The following XXYLT1 variants were observed in gnomAD, a reference collection of about 807,000 sequenced individuals.
The protein encoded by XXYLT1 is xyloside xylosyltransferase 1, also known as UDP-xylose:alpha-xyloside alpha-1,3-xylosyltransferase.
XXYLT1 carries 20 observed loss-of-function variants against 28.9 expected under a neutral mutation model. The observed-to-expected ratio is 0.69, with a 90% CI of 0.49 to 1.00. The LOEUF is 1.00. Among genes scored for constraint, XXYLT1 ranks in the 50% least tolerant of loss-of-function variants. XXYLT1 has a pLI of 0.00. For synonymous variants in XXYLT1, 257 were observed against 253.8 expected (o/e 1.01, Z -0.12); for missense variants, 542 against 560.1 (o/e 0.97, Z 0.33).
chr3:195,191,291 T>C (rs1192605532), intron 2 of XXYLT1, among the ~76,000 whole-genome samples: 1 of 152,164 alleles, frequency 6.6e-6, no homozygotes. Context: ...CAATCCCTCC[T>C]TTTCTCTTTC....
intron 1 of XXYLT1, among the ~76,000 whole-genome samples, chr3:195,258,197 AGTGAGGCAACAGCCACAGAGG>A (rs1387363831): frequency 1.3e-5 from 2 of 152,184 alleles, no homozygotes; most frequent in African/African-American, 4.8e-5. Context: ...CACAGCCTTC[AGTGAGGCAACAGCCACAGAGG>A]GTGAGGCTAG....
chr3:195,254,350 C>T (rs1577202098), intron 1 of XXYLT1, among the ~76,000 whole-genome samples: 2 of 152,358 alleles, frequency 1.3e-5, no homozygotes, highest in Middle Eastern at 3.4e-3. Flanking sequence ...TTTCAAAGTA[C>T]CATCTGCTCC....
intron 2 of XXYLT1, among the ~76,000 whole-genome samples, chr3:195,226,092 C>T (rs967290602): frequency 6.6e-6 from 1 of 152,154 alleles, no homozygotes; most frequent in Non-Finnish European, 1.5e-5. Flanking sequence ...AAACCAGACA[C>T]ACTCTAGGAG....
intron 1 of XXYLT1, among the ~76,000 whole-genome samples, chr3:195,237,102 T>A (rs1259506400): frequency 6.6e-6 from 1 of 152,178 alleles, no homozygotes; most frequent in African/African-American, 2.4e-5. Context: ...GGCTGGTGTC[T>A]CATTAGGTCA....
At chr3:195,189,110 T>C (rs1722319670) in intron 2 of XXYLT1, among the ~76,000 whole-genome samples, 1 of 152,136 alleles carries the variant, frequency 6.6e-6, no homozygotes, top group South Asian at 2.1e-4. Flanking sequence ...AAGAGCTTTA[T>C]GAGGTGGATA....
chr3:195,152,164 A>T (rs1720307502), intron 3 of XXYLT1: 1 of 152,602 alleles, frequency 6.6e-6, no homozygotes, highest in South Asian at 2.1e-4. Context: ...GCTGCACATA[A>T]AGAGGGCACA....
At chr3:195,197,320 C>T (rs1290466914) in intron 2 of XXYLT1, among the ~76,000 whole-genome samples, 1 of 151,994 alleles carries the variant, frequency 6.6e-6, no homozygotes, top group African/African-American at 2.4e-5. Flanking sequence ...GCCTGTAGTC[C>T]CAGCTACTCG....
intron 2 of XXYLT1, among the ~76,000 whole-genome samples, chr3:195,197,975 G>A (rs532922999): frequency 1.3e-5 from 2 of 152,238 alleles, no homozygotes; most frequent in Non-Finnish European, 2.9e-5. Context: ...GCTGAGTTCA[G>A]CTGCGCCTGG....
chr3:195,070,220 G>T, intron 3 of XXYLT1, 109 bp from the exon 4 acceptor site: 1 of 1,396,454 alleles, frequency 7.2e-7, no homozygotes. Flanking sequence ...CCACATTCCG[G>T]GGTGCAGAAT....
At position 195,129,241 on chromosome 3, in the gene XXYLT1, C is replaced by T. The variant is rs143216379; in HGVS notation, c.785+27208G>A. On this transcript the variant is annotated intron_variant, in intron 3 of 3. Coordinates refer to ENST00000310380, the MANE Select transcript of XXYLT1 (RefSeq NM_152531.5). This position sits in a 1 kb window ranked among gnomAD's most constrained non-coding sequence, Gnocchi z 4.4. ...CTCTCTCTCTCTCTTTTTTTGGTAA[C>T]AGCTTTCTTGACACATAATTTAAAT... 6.6e-6 allele frequency among the ~76,000 whole-genome samples: 1 copy of T among 152,260 alleles called. No homozygotes were observed. The highest frequency in any genetic ancestry group is 2.4e-5 in the African/African-American group (1 of 41,540).
intron 1 of XXYLT1, among the ~76,000 whole-genome samples, chr3:195,238,834 CTG>C (rs1293221004): frequency 6.6e-6 from 1 of 152,196 alleles, no homozygotes; most frequent in African/African-American, 2.4e-5. Context: ...AAGCTGGAAG[CTG>C]ACAAGAGGGT....
At chr3:195,254,738 G>A (rs116031702) in intron 1 of XXYLT1, among the ~76,000 whole-genome samples, 475 of 152,354 alleles carry the variant, frequency 3.1e-3, no homozygotes, top group African/African-American at 0.01. Context: ...GGGCCTTCAC[G>A]GGGCCAGGGC....
intron 3 of XXYLT1, among the ~76,000 whole-genome samples, chr3:195,090,915 T>C (rs1175466871): frequency 1.3e-5 from 2 of 151,654 alleles, no homozygotes; most frequent in Non-Finnish European, 2.9e-5. Context: ...ACAAATAAAC[T>C]AGAAAACCTA....
chr3:195,112,970 A>G (rs567166342), intron 3 of XXYLT1, among the ~76,000 whole-genome samples: 3 of 152,372 alleles, frequency 2.0e-5, no homozygotes, highest in Admixed American at 1.3e-4. Context: ...TCAAAATCCA[A>G]TCTGGGTTTC....
chr3:195,127,187 A>C (rs1243503899), intron 3 of XXYLT1, among the ~76,000 whole-genome samples: 1 of 152,190 alleles, frequency 6.6e-6, no homozygotes, highest in East Asian at 1.9e-4. Flanking sequence ...GAGTGTTCAG[A>C]GATCAGTGCT....
At position 195,133,736 on chromosome 3, in the gene XXYLT1, T is replaced by C. The variant is rs1719022958; in HGVS notation, c.785+22713A>G. On this transcript the variant is annotated intron_variant, in intron 3 of 3. Transcript: ENST00000310380. This position sits in a 1 kb window ranked among gnomAD's most constrained non-coding sequence, Gnocchi z 4.4. ...AACGACAGAACACACGAACAGAGGA[T>C]GGTGCCAGAAGATCATGATGGAGCT... is the stretch of plus-strand genomic sequence containing the variant. 6.6e-6 allele frequency among the ~76,000 whole-genome samples: 1 copy of C among 152,150 alleles called. No individual in the cohort carries two copies. The highest frequency in any genetic ancestry group is 1.5e-5 in the Non-Finnish European group (1 of 68,030).
At chr3:195,246,946 A>G (rs1328503030) in intron 1 of XXYLT1, among the ~76,000 whole-genome samples, 1 of 152,252 alleles carries the variant, frequency 6.6e-6, no homozygotes, top group Non-Finnish European at 1.5e-5. Context: ...ACAGAGAAAC[A>G]TTACAAATGC....
rs79483554 is a variant in XXYLT1 at position 195,210,351 on chromosome 3, T to A, written c.652+16358A>T. On this transcript the variant is annotated intron_variant, in intron 2 of 3. Coordinates refer to ENST00000310380, the MANE Select transcript of XXYLT1 (RefSeq NM_152531.5). This position sits in a 1 kb window ranked among gnomAD's most constrained non-coding sequence, Gnocchi z 4.8. ...TCCCTCCACCAACCGGAAGGTGAGC[T>A]CCCCAAGGGCAGGACTGCTGTCGTG... Among the ~76,000 whole-genome samples the A allele has an allele frequency of 0.036, 5,463 of 152,166 alleles. 275 individuals carry two copies. Among genetic ancestry groups the A allele is most frequent in the African/African-American group, 0.12 (4,879 of 41,498 alleles).
chr3:195,178,303 C>T (rs140777503), intron 2 of XXYLT1, among the ~76,000 whole-genome samples: 2 of 152,198 alleles, frequency 1.3e-5, no homozygotes, highest in Non-Finnish European at 2.9e-5. Flanking sequence ...AACCTAACCG[C>T]TAATCACCAT....
Sources: gnomAD v4.1 joint callset for allele counts (sites outside exome capture counted in the v4.1 genomes callset) on GRCh38, gnomAD v4.1.1 for gene constraint, Gnocchi (gnomAD v3.1) non-coding constraint, MANE v1.5 for transcripts, NCBI Gene and HGNC (gene_info 2026-07-23, HGNC 2026-07-21) for gene names.